KIAA1328: variants seen among roughly 807,000 people sequenced by gnomAD.
KIAA1328 encodes the protein protein hinderin.
KIAA1328 carries 52 observed loss-of-function variants against 68.1 expected under a neutral mutation model. That is an observed-to-expected ratio of 0.76 (90% CI 0.61 to 0.96). The LOEUF (loss-of-function observed/expected upper bound fraction) is 0.96, where lower values mean the gene tolerates loss of function less well. KIAA1328 is among the 40% of genes least tolerant of loss of function. The pLI is 0.00. For missense variants in KIAA1328, 641 were observed against 677.6 expected (o/e 0.95, Z 0.60); for synonymous variants, 232 against 239.4 (o/e 0.97, Z 0.28).
chr18:37,179,679 A>C lies in KIAA1328; in HGVS notation c.1523+6598A>C, dbSNP rs1253853758. ...CCATACTCTACCAATCCCAGTCTGG[A>C]AGGAATCTTCTCTCTGTTGTGAATA... On this transcript the variant is annotated intron_variant, in intron 9 of 9. Transcript: ENST00000280020. 3.3e-5 allele frequency among the ~76,000 whole-genome samples: 5 copies of C among 152,156 alleles called. No homozygotes were observed. The East Asian group carries it at 7.7e-4, about 23-fold the overall frequency.
At chr18:36,934,644 G>C (rs2050435913) in intron 5 of KIAA1328, among the ~76,000 whole-genome samples, 1 of 152,178 alleles carries the variant, frequency 6.6e-6, no homozygotes, top group African/African-American at 2.4e-5. Flanking sequence ...CTCAGTGGGA[G>C]CAGTGCTTCC....
intron 6 of KIAA1328, among the ~76,000 whole-genome samples, chr18:37,042,366 A>G (rs544846787): frequency 6.6e-6 from 1 of 152,326 alleles, no homozygotes; most frequent in South Asian, 2.1e-4. Context: ...TTTCTAACCT[A>G]AAAGATTTTC....
At chr18:36,901,255 TG>T (rs1314815771) in intron 5 of KIAA1328, among the ~76,000 whole-genome samples, 2 of 152,030 alleles carry the variant, frequency 1.3e-5, no homozygotes, top group African/African-American at 4.8e-5. Flanking sequence ...TTAATGTTCT[TG>T]GGCATCTTAG....
intron 4 of KIAA1328, among the ~76,000 whole-genome samples, chr18:36,868,832 T>C (rs879594800): frequency 1.3e-5 from 2 of 152,208 alleles, no homozygotes; most frequent in Non-Finnish European, 2.9e-5. Flanking sequence ...GACAGTTTGC[T>C]ATTTGTACTT....
Position 37,067,360 on chromosome 18 carries a change from T to G in KIAA1328, c.1047T>G (p.Gly349=), listed in dbSNP as rs3747896. 0.17 allele frequency: 272,144 copies of G among 1,613,412 alleles called. 25,190 individuals are homozygous for G. The highest frequency in any genetic ancestry group is 0.19 in the Non-Finnish European group (219,297 of 1,179,660). The change falls in exon 7 of 10, where the codon GGT becomes GGG. Residue 349 remains glycine (G), a synonymous_variant. Transcript: ENST00000280020. ...CTTGGGCATCTCTGGTGCATGGTGGTGGGGCACTGCAACCCATTGAAACTT... is the reference window on the plus strand; with the variant it reads ...CTTGGGCATCTCTGGTGCATGGTGGGGGGGCACTGCAACCCATTGAAACTT... ...RLSWASLVHG[G]GALQPIETLK...
chr18:36,978,755 C>T (rs1228757043), intron 6 of KIAA1328, among the ~76,000 whole-genome samples: 16 of 152,170 alleles, frequency 1.1e-4, no homozygotes, highest in Non-Finnish European at 7.4e-5. Context: ...ACATTTTCTT[C>T]TTTTGGCATT....
intron 1 of KIAA1328, 43 bp downstream of exon 1, chr18:36,829,239 G>T: frequency 6.8e-7 from 1 of 1,479,334 alleles, no homozygotes; most frequent in Non-Finnish European, 8.9e-7. Flanking sequence ...CGCCCTCCAC[G>T]GGACGGCGAG....
intron 7 of KIAA1328, among the ~76,000 whole-genome samples, chr18:37,150,929 T>C (rs1302642569): frequency 2.6e-5 from 4 of 152,120 alleles, no homozygotes; most frequent in Non-Finnish European, 5.9e-5. Context: ...CTCTTACCAC[T>C]TTTATTCAGC....
intron 6 of KIAA1328, among the ~76,000 whole-genome samples, chr18:37,035,535 C>A (rs540879460): frequency 3.5e-4 from 53 of 152,176 alleles, no homozygotes; most frequent in African/African-American, 1.3e-3. Context: ...CTCATTGGGG[C>A]AGATAGGATT....
intron 6 of KIAA1328, among the ~76,000 whole-genome samples, chr18:37,063,001 C>T (rs2056211906): frequency 6.6e-6 from 1 of 151,038 alleles, no homozygotes. Context: ...AGGTTCTTAA[C>T]AATGCTGCAA....
chr18:37,047,289 G>A (rs1333369575), intron 6 of KIAA1328, among the ~76,000 whole-genome samples: 1 of 152,104 alleles, frequency 6.6e-6, no homozygotes, highest in African/African-American at 2.4e-5. Context: ...TAAACTTCGT[G>A]TTTTGATTCC....
chr18:36,966,800 G>A (rs764457854), intron 6 of KIAA1328, among the ~76,000 whole-genome samples: 1 of 152,116 alleles, frequency 6.6e-6, no homozygotes, highest in Admixed American at 6.5e-5. Context: ...GATGGAAATG[G>A]GTTCCATGGT....
chr18:37,083,316 T>G (rs2151806432), intron 7 of KIAA1328, among the ~76,000 whole-genome samples: 1 of 152,364 alleles, frequency 6.6e-6, no homozygotes, highest in Non-Finnish European at 1.5e-5. Context: ...ATGTACTTTG[T>G]ACATTAATTC....
At chr18:36,998,113 GTA>G (rs2053460234) in intron 6 of KIAA1328, among the ~76,000 whole-genome samples, 1 of 152,140 alleles carries the variant, frequency 6.6e-6, no homozygotes, top group African/African-American at 2.4e-5. Flanking sequence ...GAGAGCCTGA[GTA>G]TAAGCCCACC....
chr18:37,057,467 G>A (rs1024772297), intron 6 of KIAA1328, among the ~76,000 whole-genome samples: 4 of 146,140 alleles, frequency 2.7e-5, no homozygotes, highest in South Asian at 2.2e-4. Flanking sequence ...TCACTCTGTC[G>A]CCCAGGTTGG....
intron 7 of KIAA1328, among the ~76,000 whole-genome samples, chr18:37,119,399 G>A (rs146361998): frequency 7.5e-4 from 114 of 152,188 alleles, no homozygotes; most frequent in Admixed American, 1.8e-3. Flanking sequence ...CAAACAACCC[G>A]AAATTTATTT....
intron 5 of KIAA1328, among the ~76,000 whole-genome samples, chr18:36,910,105 T>C (rs1381258424): frequency 6.6e-6 from 1 of 152,230 alleles, no homozygotes. Flanking sequence ...TCTTTTGCTG[T>C]GCAGAAGCTC....
At chr18:37,138,735 T>G (rs2058699198) in intron 7 of KIAA1328, among the ~76,000 whole-genome samples, 1 of 152,186 alleles carries the variant, frequency 6.6e-6, no homozygotes, top group African/African-American at 2.4e-5. Flanking sequence ...ATTCATTGTT[T>G]AGTTGCCTAT....
chr18:36,844,043 G>C (rs183999474), intron 3 of KIAA1328, among the ~76,000 whole-genome samples, 165 bp from the exon 4 acceptor site: 146 of 152,236 alleles, frequency 9.6e-4, no homozygotes, highest in African/African-American at 3.5e-3. Context: ...TGGACAGTCA[G>C]TTCCTTAGCC....
Sources: allele counts gnomAD v4.1 joint callset (sites outside exome capture counted in the v4.1 genomes callset), GRCh38; gene constraint gnomAD v4.1.1; transcripts MANE v1.5; gene names NCBI Gene and HGNC (gene_info 2026-07-23, HGNC 2026-07-21).